Variants in HSPA12A observed in about 807,000 individuals in gnomAD.
The protein encoded by HSPA12A is heat shock protein family A (Hsp70) member 12A, also known as heat shock 70 kDa protein 12A.
A neutral mutation model predicts 69.2 loss-of-function variants in HSPA12A; 28 were observed. The observed-to-expected ratio is 0.40, with a 90% CI of 0.30 to 0.55. HSPA12A has a LOEUF of 0.55. Ranked by LOEUF, HSPA12A falls within the 20% of genes least tolerant of loss-of-function variation. The pLI is 0.38. For synonymous variants in HSPA12A, 345 were observed against 370.5 expected (o/e 0.93, Z 0.79); for missense variants, 686 against 900.7 (o/e 0.76, Z 3.05).
At chr10:116,751,216 CA>C in intron 2 of HSPA12A, 2 of 231,954 alleles carry the variant, frequency 8.6e-6, no homozygotes, top group Non-Finnish European at 9.2e-6. Context: ...TCAGGTAGCT[CA>C]AAGGAAGGTG....
At chr10:116,784,192 T>C (rs1181707267) in intron 2 of HSPA12A, among the ~76,000 whole-genome samples, 1 of 152,202 alleles carries the variant, frequency 6.6e-6, no homozygotes. Context: ...CACACAAAAG[T>C]CACATTTCCC....
At chr10:116,754,018 C>T (rs868970841) in intron 2 of HSPA12A, among the ~76,000 whole-genome samples, 15 of 152,216 alleles carry the variant, frequency 9.9e-5, no homozygotes, top group African/African-American at 3.4e-4. Context: ...GAGCAGCCCT[C>T]GTAGGCAACA....
intron 2 of HSPA12A, among the ~76,000 whole-genome samples, chr10:116,817,943 G>A (rs1010090318): frequency 2.6e-5 from 4 of 152,262 alleles, no homozygotes; most frequent in South Asian, 2.1e-4. Context: ...CCAATTAGGC[G>A]CCGATTCCTG....
rs563313201 is a variant in HSPA12A, at chr10:116,781,920, A to G, written c.91+53015T>C. Among the ~76,000 whole-genome samples, 14 of 152,370 alleles carry G rather than the reference A, an allele frequency of 9.2e-5. No individual in the cohort carries two copies. The South Asian group carries it at 2.9e-3, about 32-fold the overall frequency. Reference sequence around the variant, plus strand: ...TCTACCAGGTTAAAATTAAGATCATAACATTCATCAAAAGACAGTAAAAAG... The same window carrying G: ...TCTACCAGGTTAAAATTAAGATCATGACATTCATCAAAAGACAGTAAAAAG... On this transcript the variant is annotated intron_variant, in intron 2 of 12. Transcript: ENST00000635765.
chr10:116,723,974 T>C lies in HSPA12A; in HGVS notation c.41-16689A>G, dbSNP rs553925887. Among the ~76,000 whole-genome samples the C allele has an allele frequency of 2.7e-4, 41 of 152,326 alleles. 1 individual carries two copies. Among genetic ancestry groups the C allele is most frequent in the Middle Eastern group, 3.4e-3 (1 of 294 alleles). ...CTCTGCTGAGCCATCCATGGCTGCA[T>C]GGCCCCAACAGAGGCGTATCGGGCA... On this transcript the variant is annotated intron_variant, in intron 1 of 11. Transcript: ENST00000369209. The surrounding 1 kb of genome is among the most constrained non-coding windows in gnomAD (Gnocchi z 4.1).
At chr10:116,778,560 C>T (rs1320660157) in intron 2 of HSPA12A, among the ~76,000 whole-genome samples, 1 of 152,176 alleles carries the variant, frequency 6.6e-6, no homozygotes, top group African/African-American at 2.4e-5. Context: ...TGTAGTCATT[C>T]CTGTCAGCAC....
At chr10:116,833,649 C>T (rs1288524528) in intron 2 of HSPA12A, among the ~76,000 whole-genome samples, 1 of 152,234 alleles carries the variant, frequency 6.6e-6, no homozygotes, top group Admixed American at 6.5e-5. Flanking sequence ...GTGACAGGCA[C>T]TGTCTATCCC....
intron 2 of HSPA12A, among the ~76,000 whole-genome samples, chr10:116,809,470 G>A (rs1200087135): frequency 6.6e-6 from 1 of 152,146 alleles, no homozygotes; most frequent in Non-Finnish European, 1.5e-5. Context: ...CTAAAAAGAG[G>A]GCTGAAAATA....
chr10:116,823,875 C>A (rs1402403130), intron 2 of HSPA12A, among the ~76,000 whole-genome samples: 1 of 152,056 alleles, frequency 6.6e-6, no homozygotes, highest in East Asian at 1.9e-4. Context: ...GCCACCAAAA[C>A]CACATGCAAC....
intron 1 of HSPA12A, among the ~76,000 whole-genome samples, chr10:116,835,726 T>C (rs1589733087): frequency 6.6e-6 from 1 of 152,312 alleles, no homozygotes; most frequent in Admixed American, 6.5e-5. Context: ...AATACATGTT[T>C]ACTAGTTGGA....
intron 1 of HSPA12A, among the ~76,000 whole-genome samples, chr10:116,714,969 G>A (rs543648937): frequency 3.9e-5 from 6 of 152,282 alleles, no homozygotes; most frequent in South Asian, 2.1e-4. Context: ...CAGCTCCCCC[G>A]GTGCAGATGA....
intron 1 of HSPA12A, among the ~76,000 whole-genome samples, chr10:116,736,638 A>C (rs1851324121): frequency 6.6e-6 from 1 of 152,178 alleles, no homozygotes; most frequent in Non-Finnish European, 1.5e-5. Flanking sequence ...CAATGAAAGC[A>C]GGGGCTGGAG....
chr10:116,829,458 A>C (rs2133207674), intron 2 of HSPA12A: 1 of 152,610 alleles, frequency 6.6e-6, no homozygotes, highest in African/African-American at 2.4e-5. Flanking sequence ...GCGTTTCTCA[A>C]AGGATGGGCA....
At chr10:116,682,014 A>C (rs1033516321) in intron 7 of HSPA12A, 137 bp from the exon 8 acceptor site, 7 of 697,096 alleles carry the variant, frequency 1.0e-5, no homozygotes, top group South Asian at 1.8e-5. Flanking sequence ...ATAAGTCAAT[A>C]CGATGTCGGG....
chr10:116,677,844 G>A (rs1475934877), intron 10 of HSPA12A, among the ~76,000 whole-genome samples: 5 of 152,204 alleles, frequency 3.3e-5, no homozygotes, highest in Non-Finnish European at 7.3e-5. Context: ...GACAGTGTGG[G>A]TGTCAATAAG....
Position 116,757,532 on chromosome 10 carries a change from C to T in HSPA12A, c.92-50247G>A, listed in dbSNP as rs149047381. 3.3e-4 allele frequency among the ~76,000 whole-genome samples: 51 copies of T among 152,310 alleles called. No individual in the cohort carries two copies. The East Asian group carries it at 9.3e-3, about 28-fold the overall frequency. ...GCACTCCAGAGTTACATTCATCATCCGCACACGGCAGGAGGTTGGACAAAT... is the reference window on the plus strand; with the variant it reads ...GCACTCCAGAGTTACATTCATCATCTGCACACGGCAGGAGGTTGGACAAAT... On this transcript the variant is annotated intron_variant, in intron 2 of 12. Transcript: ENST00000635765.
chr10:116,685,421 G>T (rs1194730622), intron 6 of HSPA12A, among the ~76,000 whole-genome samples: 1 of 151,676 alleles, frequency 6.6e-6, no homozygotes, highest in Non-Finnish European at 1.5e-5. Context: ...GATCACCTGA[G>T]GTCTGGAGTT....
At chr10:116,688,140 C>A (rs1207252839) in intron 6 of HSPA12A, among the ~76,000 whole-genome samples, 1 of 152,186 alleles carries the variant, frequency 6.6e-6, no homozygotes, top group Non-Finnish European at 1.5e-5. Context: ...GTAGCCTCTC[C>A]TGCAGGATGG....
chr10:116,712,493 G>T lies in HSPA12A; in HGVS notation c.41-5208C>A, dbSNP rs568906283. On this transcript the variant is annotated intron_variant, in intron 1 of 11. Coordinates refer to ENST00000369209, the MANE Select transcript of HSPA12A (RefSeq NM_025015.3). ...CTCATCGCTGGTCTTATTGGTTTAA[G>T]GATTAAAATGCAGGCTTCATCTGGG... Among the ~76,000 whole-genome samples, 3 of 152,276 alleles carry T rather than the reference G, an allele frequency of 2.0e-5. No individual in the cohort carries two copies. The South Asian group carries it at 6.2e-4, about 32-fold the overall frequency.
Sources: gnomAD v4.1 joint callset for allele counts (sites outside exome capture counted in the v4.1 genomes callset) on GRCh38, gnomAD v4.1.1 for gene constraint, Gnocchi (gnomAD v3.1) non-coding constraint, MANE v1.5 for transcripts, NCBI Gene and HGNC (gene_info 2026-07-23, HGNC 2026-07-21) for gene names.